The following ZCCHC14 variants were observed in gnomAD, a reference collection of about 807,000 sequenced individuals.
ZCCHC14 encodes zinc finger CCHC-type containing 14.
A neutral mutation model predicts 85.0 loss-of-function variants in ZCCHC14; 16 were observed. The observed-to-expected ratio is 0.19, with a 90% confidence interval of 0.13 to 0.29. The LOEUF (loss-of-function observed/expected upper bound fraction) is 0.29, where lower values mean the gene tolerates loss of function less well. Among genes scored for constraint, ZCCHC14 ranks in the 10% least tolerant of loss-of-function variants. ZCCHC14 has a pLI of 1.00. For synonymous variants in ZCCHC14, 775 were observed against 630.7 expected (o/e 1.23, Z -3.43); for missense variants, 1,303 against 1,443.5 (o/e 0.90, Z 1.58).
chr16:87,459,952 G>A lies in ZCCHC14; in HGVS notation c.694+56C>T. 2.5e-6 allele frequency: 4 copies of A among 1,612,254 alleles called. No individual in the cohort carries two copies. In the South Asian group the frequency reaches 4.4e-5, roughly 18 times the overall value. On this transcript the variant is annotated intron_variant, in intron 2 of 12. Coordinates refer to ENST00000671377, the MANE Select transcript of ZCCHC14 (RefSeq NM_015144.3). ...TAACAATGCCCTCACGGGGATCTGG[G>A]GTGTGCCCATCCTCCGTCCGTCAGA...
intron 2 of ZCCHC14, among the ~76,000 whole-genome samples, chr16:87,454,867 C>T (rs1226936656): frequency 1.3e-5 from 2 of 152,222 alleles, no homozygotes; most frequent in East Asian, 1.9e-4. Flanking sequence ...GCCTGGTAAA[C>T]GGCTGACAAC....
chr16:87,412,546 G>C lies in ZCCHC14; in HGVS notation c.2175C>G (p.Val725=), dbSNP rs1004900689. 3 of 1,614,110 alleles carry C rather than the reference G, an allele frequency of 1.9e-6. No homozygotes were observed. Among genetic ancestry groups the C allele is most frequent in the East Asian group, 2.2e-5 (1 of 44,872 alleles). The part of the protein sequence containing the change: ...LSESSSMSPT[V]SFGPRTKVVH... ...CGACTTTGGTCCGGGGACCAAAGGA[G>C]ACTGTGGGTGACATGGAGCTGCTCT... Residue 725 remains valine (V), a synonymous_variant, in exon 12 of 13, where the codon GTC becomes GTG. Coordinates refer to ENST00000671377, the MANE Select transcript of ZCCHC14 (RefSeq NM_015144.3).
At chr16:87,450,182 T>C (rs1910629699) in intron 2 of ZCCHC14, among the ~76,000 whole-genome samples, 1 of 152,282 alleles carries the variant, frequency 6.6e-6, no homozygotes, top group Non-Finnish European at 1.5e-5. Context: ...CTTCCTGCTT[T>C]AAAATGTTAT....
intron 1 of ZCCHC14, among the ~76,000 whole-genome samples, chr16:87,475,209 G>C (rs936400925): frequency 3.9e-5 from 6 of 152,128 alleles, no homozygotes; most frequent in African/African-American, 1.4e-4. Flanking sequence ...GACTTAGGCT[G>C]GACAAGCCAA....
chr16:87,453,100 A>G (rs1434024615), intron 2 of ZCCHC14, among the ~76,000 whole-genome samples: 1 of 152,210 alleles, frequency 6.6e-6, no homozygotes, highest in Non-Finnish European at 1.5e-5. Flanking sequence ...TGGAAGATGG[A>G]ACGCTGACCT....
intron 3 of ZCCHC14, among the ~76,000 whole-genome samples, chr16:87,429,963 T>C (rs1021025506): frequency 3.9e-5 from 6 of 152,252 alleles, no homozygotes; most frequent in African/African-American, 9.6e-5. Flanking sequence ...TTTGAACATA[T>C]AAATCCTTCA....
At chr16:87,462,568 G>A (rs1333097808) in intron 1 of ZCCHC14, among the ~76,000 whole-genome samples, 4 of 151,338 alleles carry the variant, frequency 2.6e-5, no homozygotes, top group African/African-American at 9.7e-5. Flanking sequence ...GTGAAACCCC[G>A]TCTCTACTAA....
chr16:87,418,154 TGTTACTTCTAAGTCACAGAATGA>T (rs1908893976), intron 7 of ZCCHC14, among the ~76,000 whole-genome samples: 1 of 141,324 alleles, frequency 7.1e-6, no homozygotes. Flanking sequence ...TAGGTATTTC[TGTTACTTCTAAGTCACAGAATGA>T]CACTGATAAA....
At chr16:87,467,330 A>T (rs145283449) in intron 1 of ZCCHC14, 2 of 1,590,350 alleles carry the variant, frequency 1.3e-6, no homozygotes, top group Non-Finnish European at 1.7e-6. Flanking sequence ...AAGCGAAAAC[A>T]GAAAAAGATT....
intron 1 of ZCCHC14, among the ~76,000 whole-genome samples, chr16:87,476,867 C>G (rs140548833): frequency 5.2e-4 from 79 of 151,986 alleles, no homozygotes; most frequent in African/African-American, 1.9e-3. Flanking sequence ...TGGCTCGTGC[C>G]TGTAATCCCA....
chr16:87,483,776 A>C (rs1912393981), intron 1 of ZCCHC14, among the ~76,000 whole-genome samples: 1 of 152,228 alleles, frequency 6.6e-6, no homozygotes, highest in Non-Finnish European at 1.5e-5. Context: ...TAAAGTAATT[A>C]CAAAAGCACA....
intron 3 of ZCCHC14, among the ~76,000 whole-genome samples, chr16:87,431,212 G>A (rs1246430718): frequency 2.6e-5 from 4 of 151,870 alleles, no homozygotes; most frequent in Non-Finnish European, 4.4e-5. Flanking sequence ...AGTGGCTCAC[G>A]CCTGTAATCC....
Position 87,435,000 on chromosome 16 carries a change from A to C in ZCCHC14, c.695-1799T>G, listed in dbSNP as rs866055238. ...AGTGAGACTTCGCCTCAAAAAAAAA[A>C]AAAAAAAAAAAAAAAGACGTTTTTT... On this transcript the variant is annotated intron_variant, in intron 2 of 12. Transcript: ENST00000671377. Among the ~76,000 whole-genome samples, 670 of 151,306 alleles carry C rather than the reference A, an allele frequency of 4.4e-3. 3 individuals carry two copies. Among genetic ancestry groups the C allele is most frequent in the African/African-American group, 0.015 (615 of 41,178 alleles).
chr16:87,435,171 T>C (rs778362204), intron 2 of ZCCHC14, among the ~76,000 whole-genome samples: 5 of 152,036 alleles, frequency 3.3e-5, no homozygotes, highest in Non-Finnish European at 5.9e-5. Context: ...TACACGAACC[T>C]CTCCTAGAGC....
At chr16:87,463,720 G>C (rs1188818764) in intron 1 of ZCCHC14, among the ~76,000 whole-genome samples, 1 of 152,204 alleles carries the variant, frequency 6.6e-6, no homozygotes. Context: ...CTACTCGGGA[G>C]GCTGAGGCAG....
chr16:87,456,849 T>C (rs915864331), intron 2 of ZCCHC14, among the ~76,000 whole-genome samples: 1 of 152,188 alleles, frequency 6.6e-6, no homozygotes, highest in Non-Finnish European at 1.5e-5. Flanking sequence ...ACCAAAAAGA[T>C]TGAAAACTAC....
intron 1 of ZCCHC14, among the ~76,000 whole-genome samples, chr16:87,466,560 C>G (rs1428200637): frequency 6.6e-6 from 1 of 152,208 alleles, no homozygotes; most frequent in Non-Finnish European, 1.5e-5. Context: ...GGACTGCAAA[C>G]AAAGCCAATT....
At chr16:87,434,258 C>G (rs562187136) in intron 2 of ZCCHC14, among the ~76,000 whole-genome samples, 5 of 152,228 alleles carry the variant, frequency 3.3e-5, no homozygotes, top group African/African-American at 9.6e-5. Context: ...AAAACAGCCG[C>G]GTATCGAACA....
In ZCCHC14 at chr16:87,462,448, AAC is replaced by A. The variant is rs1361859222; in HGVS notation, c.571-2319_571-2318del. On this transcript the variant is annotated intron_variant, in intron 1 of 12. Coordinates refer to ENST00000671377, the MANE Select transcript of ZCCHC14 (RefSeq NM_015144.3). ...AGGTTAACACATTAACTGTACAAGA[AAC>A]ACAGCCAAGGCCGGGTGCAGTGGCT... Among the ~76,000 whole-genome samples the A allele has an allele frequency of 4.8e-4, 73 of 152,308 alleles. 1 individual carries two copies. The highest frequency in any genetic ancestry group is 4.7e-3 in the Admixed American group (72 of 15,310).
Sources: allele counts gnomAD v4.1 joint callset (sites outside exome capture counted in the v4.1 genomes callset), GRCh38; gene constraint gnomAD v4.1.1; transcripts MANE v1.5; gene names NCBI Gene and HGNC (gene_info 2026-07-23, HGNC 2026-07-21).